Variants in ABCC9 observed in about 807,000 individuals in gnomAD.
The protein encoded by ABCC9 is ATP-binding cassette sub-family C member 9.
A neutral mutation model predicts 188.3 loss-of-function variants in ABCC9; 95 were observed. The observed-to-expected ratio is 0.50, with a 90% CI of 0.43 to 0.60. ABCC9 has a LOEUF of 0.60. ABCC9 is among the 20% of genes least tolerant of loss of function. The pLI is 0.00. For missense variants in ABCC9, 1,102 were observed against 1,876.3 expected, an observed-to-expected ratio of 0.59 and a Z score of 7.62; for synonymous variants, 659 against 652.7, an observed-to-expected ratio of 1.01 and a Z score of -0.15.
intron 22 of ABCC9, among the ~76,000 whole-genome samples, chr12:21,857,091 C>A (rs997794085): frequency 6.6e-6 from 1 of 152,154 alleles, no homozygotes; most frequent in African/African-American, 2.4e-5. Flanking sequence ...ACATCAACAG[C>A]ATTCCATTGC....
intron 26 of ABCC9, among the ~76,000 whole-genome samples, chr12:21,845,249 A>G (rs1304084761): frequency 6.6e-6 from 1 of 152,148 alleles, no homozygotes; most frequent in Middle Eastern, 3.2e-3. Flanking sequence ...ACCAGCTAAT[A>G]TACTGATGTA....
Position 21,906,151 on chromosome 12 carries a change from G to T in ABCC9, c.1593C>A (p.Thr531=), listed in dbSNP as rs1349858570. The T allele has an allele frequency of 6.2e-7, 1 of 1,613,136 alleles. No homozygotes were observed. The highest frequency in any genetic ancestry group is 8.5e-7 in the Non-Finnish European group (1 of 1,179,298). The change falls in exon 12 of 40, where the codon ACC becomes ACA. Residue 531 remains threonine, a synonymous_variant. Transcript: ENST00000261200. ...TGGAGAGTGATGTATATAGTGCAAA[G>T]GTTTTGAGACTAGATAGTTCTTTCA... The part of the protein sequence containing the change: ...TRMKELSSLK[T]FALYTSLSIF...
chr12:21,808,558 A>G (rs1942015730), intron 37 of ABCC9, among the ~76,000 whole-genome samples: 1 of 152,110 alleles, frequency 6.6e-6, no homozygotes, highest in Admixed American at 6.6e-5. Context: ...TTCTATAAGC[A>G]TGCATTAATT....
chr12:21,934,955 C>CT (rs1167816744), intron 3 of ABCC9, among the ~76,000 whole-genome samples: 1 of 151,962 alleles, frequency 6.6e-6, no homozygotes, highest in Non-Finnish European at 1.5e-5. Context: ...AGTTCTATGT[C>CT]TTTTTTTGCA....
At chr12:21,831,125 CACTACAA>C (rs1267039094) in intron 30 of ABCC9, 1 of 150,712 alleles carries the variant, frequency 6.6e-6, no homozygotes, top group East Asian at 2.0e-4. Context: ...GATCTCAGCT[CACTACAA>C]CCTCTGCCTC....
At position 21,925,946 on chromosome 12, in the gene ABCC9, A is replaced by G. The variant is rs758185120; in HGVS notation, c.402T>C (p.Leu134=). Residue 134 remains leucine (L), a synonymous_variant, in exon 5 of 40, where the codon CTT becomes CTC. Transcript: ENST00000261200. ...AACAAAAGTGATCATACTTACCTAA[A>G]AGTAATTTAGGAAAATTTGATGTTT... The part of the protein sequence containing the change: ...NIETSNFPKL[L]LALFLYWVMA... 6.2e-7 allele frequency: 1 copy of G among 1,611,916 alleles called. No individual in the cohort carries two copies. The highest frequency in any genetic ancestry group is 8.5e-7 in the Non-Finnish European group (1 of 1,178,044).
Position 21,923,820 on chromosome 12 carries a change from T to A in ABCC9, c.406+2122A>T, listed in dbSNP as rs376984768. On this transcript the variant is annotated intron_variant, in intron 5 of 39. Coordinates refer to ENST00000261200, the MANE Select transcript of ABCC9 (RefSeq NM_020297.4). ...CATATAGCCACAAAATACTTAAGAA[T>A]GTTGATAGCAGCTTTTACTCTCATG... 1.4e-5 allele frequency: 10 copies of A among 700,442 alleles called. No homozygotes were observed. In the African/African-American group the frequency reaches 1.6e-4, roughly 11 times the overall value. The allele number at this position is 700,442 out of a possible 1,614,324, so 43.4% of individuals were successfully genotyped here.
intron 4 of ABCC9, among the ~76,000 whole-genome samples, chr12:21,927,588 G>A (rs969876837): frequency 1.6e-4 from 25 of 152,228 alleles, no homozygotes; most frequent in Admixed American, 9.8e-4. Context: ...TAGGGTGTCT[G>A]TGTGGATGGC....
At position 21,872,804 on chromosome 12, in the gene ABCC9, A is replaced by G. The variant is rs561790648; in HGVS notation, c.2093-74T>C. The stretch of plus-strand genomic sequence containing the variant: ...TGAAATAACATCAAAACACATTTAG[A>G]AAAAGCTAATGTTTTACAATCAATG... On this transcript the variant is annotated intron_variant, in intron 17 of 39. Transcript: ENST00000261200. 3.1e-4 allele frequency: 371 copies of G among 1,193,610 alleles called. 7 individuals are homozygous for G. In the South Asian group the frequency reaches 3.4e-3, roughly 11 times the overall value. The allele number at this position is 1,193,610 out of a possible 1,614,324, so 73.9% of individuals were successfully genotyped here.
chr12:21,933,681 A>G (rs1949374288), intron 4 of ABCC9, 101 bp downstream of exon 4: 16 of 1,426,560 alleles, frequency 1.1e-5, no homozygotes, highest in Non-Finnish European at 1.6e-5. Context: ...AGCAAAAAAT[A>G]TAAAGCACAT....
At chr12:21,830,698 C>T (rs529729188) in intron 30 of ABCC9, among the ~76,000 whole-genome samples, 16 of 152,244 alleles carry the variant, frequency 1.1e-4, no homozygotes, top group African/African-American at 1.7e-4. Context: ...ATAATTCAGT[C>T]GGACAGTAAG....
intron 30 of ABCC9, among the ~76,000 whole-genome samples, chr12:21,835,285 T>A (rs147122325): frequency 6.6e-6 from 1 of 152,334 alleles, no homozygotes; most frequent in African/African-American, 2.4e-5. Context: ...TGTAACTGAC[T>A]CTGTCAATAT....
chr12:21,872,547 G>T, intron 18 of ABCC9, 78 bp downstream of exon 18: 1 of 1,140,552 alleles, frequency 8.8e-7, no homozygotes. Context: ...ACATGTAAAT[G>T]TATTTGTCTA....
intron 24 of ABCC9, among the ~76,000 whole-genome samples, chr12:21,850,662 C>T (rs1944917071): frequency 6.6e-6 from 1 of 152,148 alleles, no homozygotes; most frequent in Non-Finnish European, 1.5e-5. Flanking sequence ...GAGCCAACAG[C>T]TCTCTTTATT....
intron 12 of ABCC9, among the ~76,000 whole-genome samples, chr12:21,901,918 A>G (rs112795563): frequency 1.2e-4 from 19 of 152,334 alleles, no homozygotes; most frequent in African/African-American, 4.6e-4. Context: ...TAACAAGGAT[A>G]TCCAGGAATT....
chr12:21,842,178 T>C, intron 29 of ABCC9, 136 bp downstream of exon 29: 5 of 1,051,864 alleles, frequency 4.8e-6, no homozygotes, highest in Non-Finnish European at 7.0e-6. Context: ...CATGACAAAT[T>C]CAAGTTTTGT....
intron 15 of ABCC9, among the ~76,000 whole-genome samples, chr12:21,883,733 T>TTG (rs376655968): frequency 6.6e-6 from 1 of 151,648 alleles, no homozygotes; most frequent in East Asian, 1.9e-4. Context: ...AGATTTTTTT[T>TTG]TGTCCAAAGA....
chr12:21,921,495 G>T (rs183069888), intron 5 of ABCC9, among the ~76,000 whole-genome samples: 1 of 151,818 alleles, frequency 6.6e-6, no homozygotes, highest in East Asian at 1.9e-4. Flanking sequence ...CAGGCAGTTT[G>T]CAAATATTTT....
chr12:21,880,358 A>C (rs1056693601), intron 16 of ABCC9, among the ~76,000 whole-genome samples: 2 of 152,082 alleles, frequency 1.3e-5, no homozygotes, highest in Non-Finnish European at 2.9e-5. Flanking sequence ...TAAGATGAAA[A>C]ACCAAAGCAT....
Sources: allele counts gnomAD v4.1 joint callset (sites outside exome capture counted in the v4.1 genomes callset), GRCh38; gene constraint gnomAD v4.1.1; transcripts MANE v1.5; gene names NCBI Gene and HGNC (gene_info 2026-07-23, HGNC 2026-07-21).